ARHGAP32: variants seen among roughly 807,000 people sequenced by gnomAD.
The protein encoded by ARHGAP32 is Rho GTPase activating protein 32, also known as rho GTPase-activating protein 32.
A neutral mutation model predicts 186.5 loss-of-function variants in ARHGAP32; 51 were observed. That is an observed-to-expected ratio of 0.27 (90% confidence interval 0.22 to 0.35). The LOEUF (loss-of-function observed/expected upper bound fraction) is 0.35, where lower values mean the gene tolerates loss of function less well. Ranked by LOEUF, ARHGAP32 falls within the 10% of genes least tolerant of loss-of-function variation. ARHGAP32 has a pLI of 1.00. For missense variants in ARHGAP32, 2,186 were observed against 2,623.5 expected (o/e 0.83, Z 3.64); for synonymous variants, 950 against 964.3 (o/e 0.99, Z 0.27).
chr11:129,100,007 A>G (rs995115702), intron 5 of ARHGAP32, among the ~76,000 whole-genome samples: 1 of 152,160 alleles, frequency 6.6e-6, no homozygotes, highest in Non-Finnish European at 1.5e-5. Context: ...GCAAGGAGCA[A>G]CCTGCACTCG....
chr11:129,137,063 A>G (rs1249463248), intron 2 of ARHGAP32, among the ~76,000 whole-genome samples: 1 of 151,994 alleles, frequency 6.6e-6, no homozygotes, highest in Non-Finnish European at 1.5e-5. Flanking sequence ...CATCCACACA[A>G]TGGAATAGTC....
At chr11:129,024,279 G>T in intron 11 of ARHGAP32, 1 of 452,708 alleles carries the variant, frequency 2.2e-6, no homozygotes, top group South Asian at 9.3e-5. Flanking sequence ...CCCCACACAG[G>T]TGAGCACTTC....
chr11:129,218,456 A>T (rs1481829859), intron 1 of ARHGAP32, among the ~76,000 whole-genome samples: 2 of 151,966 alleles, frequency 1.3e-5, no homozygotes, highest in East Asian at 3.9e-4. Context: ...AATCTCACAC[A>T]CACACACACA....
chr11:129,109,222 T>C (rs1389652087), intron 5 of ARHGAP32, among the ~76,000 whole-genome samples: 1 of 152,096 alleles, frequency 6.6e-6, no homozygotes. Flanking sequence ...TTGCTGCAAA[T>C]GACAGAAATT....
upstream of ARHGAP32, among the ~76,000 whole-genome samples, chr11:129,195,858 C>T (rs1252159658): frequency 4.6e-5 from 7 of 152,210 alleles, no homozygotes; most frequent in Admixed American, 4.6e-4. Flanking sequence ...CAGCCGAGTC[C>T]ATCACTCTGG....
At chr11:129,165,138 AG>A (rs549433576) in intron 1 of ARHGAP32, among the ~76,000 whole-genome samples, 17 of 152,316 alleles carry the variant, frequency 1.1e-4, no homozygotes, top group African/African-American at 3.6e-4. Context: ...GGAGGAATTC[AG>A]GATGCAAAAT....
intron 5 of ARHGAP32, among the ~76,000 whole-genome samples, chr11:129,107,238 T>TA (rs1421694422): frequency 7.2e-5 from 11 of 152,194 alleles, no homozygotes; most frequent in South Asian, 6.2e-4. Flanking sequence ...AAGGAGAAAT[T>TA]AAGACATTCA....
chr11:129,249,509 C>A (rs1315883588), intron 1 of ARHGAP32, among the ~76,000 whole-genome samples: 3 of 152,142 alleles, frequency 2.0e-5, no homozygotes, highest in African/African-American at 7.2e-5. Context: ...CTGCAGACTA[C>A]AATCTAAGAC....
chr11:129,141,492 G>A (rs1943051748), intron 2 of ARHGAP32, among the ~76,000 whole-genome samples: 1 of 152,056 alleles, frequency 6.6e-6, no homozygotes, highest in Non-Finnish European at 1.5e-5. Context: ...GGATGGGGAA[G>A]GGACAGCATT....
chr11:128,977,467 C>T lies in ARHGAP32; in HGVS notation c.2123-833G>A, dbSNP rs1360116070. On this transcript the variant is annotated intron_variant, in intron 19 of 22. Transcript: ENST00000682385. ...TCTCATGACAATTCTTCCTTTCCCA[C>T]CTTTAAACATTGCTTCTCTCCAGCA... 5.3e-5 allele frequency among the ~76,000 whole-genome samples: 8 copies of T among 152,086 alleles called. No individual in the cohort carries two copies. The East Asian group carries it at 1.5e-3, about 29-fold the overall frequency.
At position 129,066,836 on chromosome 11, in the gene ARHGAP32, T is replaced by A. The variant is rs1404439091; in HGVS notation, c.564A>T (p.Glu188Asp). ...GATGTTTATCAAGTACCCGAAAATC[T>A]TCATAACTTCTTTTAACAATCCAAC... ...GKSWIVKRSY[E>D]DFRVLDKHLH... is the part of the protein sequence containing the mutation. The change falls in exon 7 of 23, where the codon GAA (glutamate) becomes GAT (aspartate). Residue 188 changes from glutamate to aspartate, a missense_variant. Coordinates refer to ENST00000682385, the MANE Select transcript of ARHGAP32 (RefSeq NM_001378024.1). 6.2e-7 allele frequency: 1 copy of A among 1,610,122 alleles called. No individual in the cohort carries two copies.
chr11:129,116,630 T>C (rs1418387227), intron 5 of ARHGAP32, among the ~76,000 whole-genome samples: 1 of 152,002 alleles, frequency 6.6e-6, no homozygotes, highest in African/African-American at 2.4e-5. Context: ...AAACTGAAAA[T>C]ATGTACAAGT....
At chr11:129,247,246 AGT>A (rs1945112975) in intron 1 of ARHGAP32, among the ~76,000 whole-genome samples, 1 of 152,104 alleles carries the variant, frequency 6.6e-6, no homozygotes, top group Non-Finnish European at 1.5e-5. Context: ...ACATGCTAAA[AGT>A]ATAAATGATG....
At chr11:128,978,112 TA>T (rs370150627) in intron 19 of ARHGAP32, among the ~76,000 whole-genome samples, 1 of 152,176 alleles carries the variant, frequency 6.6e-6, no homozygotes, top group Non-Finnish European at 1.5e-5. Flanking sequence ...GGTACTACCC[TA>T]ATTTTCTATC....
chr11:129,133,338 C>T (rs1483012144), intron 2 of ARHGAP32, among the ~76,000 whole-genome samples: 7 of 151,932 alleles, frequency 4.6e-5, no homozygotes, highest in African/African-American at 1.5e-4. Context: ...AGAAAAAACA[C>T]AATAATACAG....
At chr11:129,193,725 T>TATA (rs1565465052), upstream of ARHGAP32, among the ~76,000 whole-genome samples, 13 of 54,124 alleles carry the variant, frequency 2.4e-4, no homozygotes, top group Non-Finnish European at 4.9e-4. Context: ...TATTATATAT[T>TATA]ATATATAATA....
chr11:129,178,138 T>G, intron 1 of ARHGAP32, among the ~76,000 whole-genome samples: 1 of 151,646 alleles, frequency 6.6e-6, no homozygotes, highest in South Asian at 2.1e-4. Context: ...AGCATTCTTA[T>G]ACACCAACAA....
At chr11:129,106,178 A>G (rs1942042190) in intron 5 of ARHGAP32, among the ~76,000 whole-genome samples, 1 of 152,182 alleles carries the variant, frequency 6.6e-6, no homozygotes, top group Non-Finnish European at 1.5e-5. Context: ...CTGGATATAT[A>G]TACAAAAGAA....
chr11:129,167,894 A>G (rs1247085898), intron 1 of ARHGAP32, among the ~76,000 whole-genome samples: 3 of 152,212 alleles, frequency 2.0e-5, no homozygotes, highest in East Asian at 3.8e-4. Context: ...TTAGTTAAAA[A>G]AAGTAAATGG....
Sources: gnomAD v4.1 joint callset for allele counts (sites outside exome capture counted in the v4.1 genomes callset) on GRCh38, gnomAD v4.1.1 for gene constraint, MANE v1.5 for transcripts, NCBI Gene and HGNC (gene_info 2026-07-23, HGNC 2026-07-21) for gene names.